TTPA: variants seen among roughly 807,000 people sequenced by gnomAD.
TTPA encodes the protein alpha-tocopherol transfer protein.
In TTPA, 23 loss-of-function variants were observed where a neutral mutation model predicts 25.9. The observed-to-expected ratio is 0.89, with a 90% CI of 0.64 to 1.26. TTPA has a LOEUF of 1.26. Among genes scored for constraint, TTPA ranks in the 50% most tolerant of loss-of-function variants. The probability of loss-of-function intolerance (pLI) is 0.00; values close to 1 mark genes in which losing one functional copy is unlikely to be tolerated. For synonymous variants in TTPA, 148 were observed against 137.3 expected (o/e 1.08, Z -0.54); for missense variants, 337 against 353.1 (o/e 0.95, Z 0.37).
intron 2 of TTPA, among the ~76,000 whole-genome samples, chr8:63,071,984 G>A (rs1805490393): frequency 6.6e-6 from 1 of 152,168 alleles, no homozygotes; most frequent in Admixed American, 6.5e-5. Context: ...AAAAGGGGAT[G>A]CAATGAGAAT....
chr8:63,079,088 A>T (rs2129778167), intron 1 of TTPA, among the ~76,000 whole-genome samples: 1 of 152,300 alleles, frequency 6.6e-6, no homozygotes, highest in African/African-American at 2.4e-5. Flanking sequence ...CAGCCAAACT[A>T]AGCTTCATAA....
chr8:63,075,698 CAAAAAAA>C (rs751066913), intron 1 of TTPA, among the ~76,000 whole-genome samples: 12 of 56,996 alleles, frequency 2.1e-4, no homozygotes, highest in African/African-American at 2.6e-4. Flanking sequence ...GACTCCGTCT[CAAAAAAA>C]AAAAAAAAAA....
At chr8:63,085,717 G>A in intron 1 of TTPA, 101 bp downstream of exon 1, 1 of 1,418,228 alleles carries the variant, frequency 7.1e-7, no homozygotes, top group Non-Finnish European at 9.5e-7. Flanking sequence ...GGTCCTGCCT[G>A]CACCCTGGGC....
At chr8:63,080,418 T>C (rs58338550) in intron 1 of TTPA, among the ~76,000 whole-genome samples, 2,591 of 152,210 alleles carry the variant, frequency 0.017, 79 homozygotes, top group African/African-American at 0.059. Context: ...ATTGATAGAC[T>C]GCTAGCAAGA....
intron 1 of TTPA, among the ~76,000 whole-genome samples, chr8:63,082,335 C>G (rs1254816518): frequency 6.6e-6 from 1 of 152,088 alleles, no homozygotes; most frequent in Non-Finnish European, 1.5e-5. Context: ...AGAAATAACA[C>G]CACACATCTA....
intron 3 of TTPA, among the ~76,000 whole-genome samples, chr8:63,065,503 G>A (rs1366128232): frequency 6.6e-6 from 1 of 151,774 alleles, no homozygotes; most frequent in Non-Finnish European, 1.5e-5. Context: ...AGTCAAAGAT[G>A]ATGACCACTT....
chr8:63,060,136 A>G lies in TTPA; in HGVS notation c.*1116T>C, dbSNP rs531791721. 12 of 152,320 alleles carry G rather than the reference A, an allele frequency of 7.9e-5. No individual in the cohort carries two copies. Among genetic ancestry groups the G allele is most frequent in the Admixed American group, 2.6e-4 (4 of 15,302 alleles). The allele number at this position is 152,320 out of a possible 1,614,324, so 9.4% of individuals were successfully genotyped here. On this transcript the variant is annotated 3_prime_UTR_variant, in exon 5 of 5. Coordinates refer to ENST00000260116, the MANE Select transcript of TTPA (RefSeq NM_000370.3). Reference sequence around the variant, plus strand: ...GACAGTAATTTTTTAAAATGTAAACATTTCCTTTCCTTTGTGTAGTTACGT... The same window carrying G: ...GACAGTAATTTTTTAAAATGTAAACGTTTCCTTTCCTTTGTGTAGTTACGT...
intron 2 of TTPA, among the ~76,000 whole-genome samples, chr8:63,068,926 G>T (rs1014364217): frequency 2.0e-5 from 3 of 152,084 alleles, no homozygotes; most frequent in Non-Finnish European, 4.4e-5. Flanking sequence ...AGGCCAAGGT[G>T]GACAGATCAC....
intron 1 of TTPA, among the ~76,000 whole-genome samples, chr8:63,078,228 A>C (rs953038351): frequency 1.3e-5 from 2 of 152,254 alleles, no homozygotes; most frequent in African/African-American, 4.8e-5. Flanking sequence ...AAAGATGGGG[A>C]GAAACCAGAG....
At chr8:63,084,817 A>T (rs1585697870) in intron 1 of TTPA, among the ~76,000 whole-genome samples, 1 of 152,212 alleles carries the variant, frequency 6.6e-6, no homozygotes, top group South Asian at 2.1e-4. Context: ...GTTAAAAACA[A>T]CCTCAGGCTG....
chr8:63,066,880 C>A (rs980292985), intron 2 of TTPA, among the ~76,000 whole-genome samples: 4 of 151,960 alleles, frequency 2.6e-5, no homozygotes, highest in Non-Finnish European at 4.4e-5. Context: ...GGCATCAACT[C>A]GAGAAAGTAA....
At chr8:63,078,441 A>G (rs1805607068) in intron 1 of TTPA, among the ~76,000 whole-genome samples, 1 of 152,228 alleles carries the variant, frequency 6.6e-6, no homozygotes, top group African/African-American at 2.4e-5. Flanking sequence ...AATCCTTGAA[A>G]AAAGGTTAAA....
intron 3 of TTPA, 104 bp from the exon 4 acceptor site, chr8:63,064,420 T>A: frequency 2.6e-6 from 2 of 781,944 alleles, no homozygotes; most frequent in Non-Finnish European, 4.2e-6. Flanking sequence ...TGGAAATATC[T>A]AAAGTGTGTG....
Position 63,085,905 on chromosome 8 carries a change from G to A in TTPA, c.117C>T (p.Gly39=), listed in dbSNP as rs750576019. 18 of 1,527,704 alleles carry A rather than the reference G, an allele frequency of 1.2e-5. No individual in the cohort carries two copies. The East Asian group carries it at 4.0e-4, about 34-fold the overall frequency. 94.6% of individuals were successfully genotyped at this position (1,527,704 alleles called of 1,614,324 possible). Residue 39 remains glycine, a synonymous_variant, in exon 1 of 5, where the codon GGC becomes GGT. Coordinates refer to ENST00000260116, the MANE Select transcript of TTPA (RefSeq NM_000370.3). ...AALRRRAREA[G]VPLAPLPLTD... ...TGAGCGGCAGCGGCGCGAGCGGGAC[G>A]CCAGCTTCCCGGGCCCGGCGCCGCA... is the stretch of plus-strand genomic sequence containing the variant.
At chr8:63,070,265 C>T (rs1805463554) in intron 2 of TTPA, among the ~76,000 whole-genome samples, 1 of 152,198 alleles carries the variant, frequency 6.6e-6, no homozygotes, top group Non-Finnish European at 1.5e-5. Context: ...TTATATCCTA[C>T]AGCATGTTGG....
rs900038169 is a variant in TTPA at position 63,068,779 on chromosome 8, A to G, written c.359-2682T>C. 6.6e-5 allele frequency among the ~76,000 whole-genome samples: 10 copies of G among 152,220 alleles called. No individual in the cohort carries two copies. In the South Asian group the frequency reaches 1.0e-3, roughly 16 times the overall value. On this transcript the variant is annotated intron_variant, in intron 2 of 4. Coordinates refer to ENST00000260116, the MANE Select transcript of TTPA (RefSeq NM_000370.3). Reference sequence around the variant, plus strand: ...ACAGAAATATTCCTAAGAAGCCACAATGGGATTGCTATTTTTTAAAAATTT... The same window carrying G: ...ACAGAAATATTCCTAAGAAGCCACAGTGGGATTGCTATTTTTTAAAAATTT...
intron 1 of TTPA, among the ~76,000 whole-genome samples, chr8:63,082,650 A>T (rs1805682387): frequency 6.6e-6 from 1 of 152,238 alleles, no homozygotes; most frequent in Non-Finnish European, 1.5e-5. Context: ...ACGGGATCTA[A>T]TTAAACTAAA....
intron 2 of TTPA, among the ~76,000 whole-genome samples, chr8:63,069,826 G>C (rs1415561083): frequency 6.6e-6 from 1 of 152,066 alleles, no homozygotes; most frequent in African/African-American, 2.4e-5. Context: ...TTGTAGAACA[G>C]TTTCATCATC....
chr8:63,075,712 A>G (rs1040371850), intron 1 of TTPA, among the ~76,000 whole-genome samples: 6 of 151,404 alleles, frequency 4.0e-5, no homozygotes, highest in African/African-American at 1.5e-4. Flanking sequence ...AAAAAAAAAA[A>G]AAAAAAAAAG....
Sources: gnomAD v4.1 joint callset for allele counts (sites outside exome capture counted in the v4.1 genomes callset) on GRCh38, gnomAD v4.1.1 for gene constraint, MANE v1.5 for transcripts, NCBI Gene and HGNC (gene_info 2026-07-23, HGNC 2026-07-21) for gene names.